Variants in PCDHGA9 observed in about 807,000 individuals in gnomAD.
The protein encoded by PCDHGA9 is protocadherin gamma-A9.
In PCDHGA9, 37 loss-of-function variants were observed where a neutral mutation model predicts 62.5. The ratio of observed to expected loss-of-function variants is 0.59; its 90% CI spans 0.46 to 0.78. The LOEUF (loss-of-function observed/expected upper bound fraction) is 0.78, where lower values mean the gene tolerates loss of function less well. Ranked by LOEUF, PCDHGA9 falls within the 30% of genes least tolerant of loss-of-function variation. The probability of loss-of-function intolerance (pLI) is 0.00; values close to 1 mark genes in which losing one functional copy is unlikely to be tolerated. For missense variants in PCDHGA9, 1,138 were observed against 1,166.2 expected (o/e 0.98, Z 0.35); for synonymous variants, 459 against 484.6 (o/e 0.95, Z 0.69).
At position 141,432,554 on chromosome 5, in the gene PCDHGA9, G is replaced by A. The variant is rs757821109; in HGVS notation, c.2424+27178G>A. The A allele has an allele frequency of 9.3e-6, 15 of 1,613,832 alleles. No homozygotes were observed. Among genetic ancestry groups the A allele is most frequent in the Non-Finnish European group, 1.3e-5 (15 of 1,180,006 alleles). On this transcript the variant is annotated intron_variant, in intron 1 of 3. Coordinates refer to ENST00000573521, the MANE Select transcript of PCDHGA9 (RefSeq NM_018921.3). The surrounding 1 kb of genome is among the most constrained non-coding windows in gnomAD (Gnocchi z 6.0). ...GGTGGTGGCGGTGGACAGAGACTCCGGCCAGAACGCCTGGCTGTCCTACCG... is the reference window on the plus strand; with the variant it reads ...GGTGGTGGCGGTGGACAGAGACTCCAGCCAGAACGCCTGGCTGTCCTACCG...
chr5:141,437,307 G>A (rs1172152732), intron 1 of PCDHGA9, among the ~76,000 whole-genome samples: 7 of 152,120 alleles, frequency 4.6e-5, no homozygotes, highest in South Asian at 2.1e-4. Context: ...AAGTTAAAGC[G>A]TTCAGCTATA....
At position 141,459,533 on chromosome 5, in the gene PCDHGA9, A is replaced by AT. The variant is rs956234847; in HGVS notation, c.2425-35266dup. Among the ~76,000 whole-genome samples the AT allele has an allele frequency of 1.2e-4, 18 of 152,018 alleles. No homozygotes were observed. In the South Asian group the frequency reaches 2.3e-3, roughly 19 times the overall value. ...CATGTACAAGTATTTTTGTAGGCAT[A>AT]TTTTTTTTATTTCTCTTGGATAAAT... is the stretch of plus-strand genomic sequence containing the variant. On this transcript the variant is annotated intron_variant, in intron 1 of 3. Transcript: ENST00000573521.
chr5:141,419,209 G>A (rs541061354), intron 1 of PCDHGA9: 11 of 1,613,900 alleles, frequency 6.8e-6, no homozygotes, highest in South Asian at 5.5e-5. Context: ...ACAACGCGCC[G>A]GTTTTCGGAC....
chr5:141,407,088 GT>G lies in PCDHGA9; in HGVS notation c.2424+1716del, dbSNP rs571130014. Among the ~76,000 whole-genome samples, 18 of 152,174 alleles carry G rather than the reference GT, an allele frequency of 1.2e-4. No individual in the cohort carries two copies. The East Asian group carries it at 3.5e-3, about 29-fold the overall frequency. On this transcript the variant is annotated intron_variant, in intron 1 of 3. Coordinates refer to ENST00000573521, the MANE Select transcript of PCDHGA9 (RefSeq NM_018921.3). ...GGCATTTCTGTGGAAATGAAGAATT[GT>G]TTTATTTGTTTGTAATTATTTGGGT...
chr5:141,440,997 A>G (rs1191545127), intron 1 of PCDHGA9: 1 of 152,178 alleles, frequency 6.6e-6, no homozygotes, highest in East Asian at 1.9e-4. Context: ...ACCCATATCT[A>G]GTTTGGCCTT....
At chr5:141,466,983 C>A (rs2099133398) in intron 1 of PCDHGA9, among the ~76,000 whole-genome samples, 1 of 151,884 alleles carries the variant, frequency 6.6e-6, no homozygotes, top group African/African-American at 2.4e-5. Context: ...TCATCATTTA[C>A]CTTTTGGCAT....
chr5:141,456,888 G>A (rs376401806), intron 1 of PCDHGA9, among the ~76,000 whole-genome samples: 5 of 152,118 alleles, frequency 3.3e-5, no homozygotes, highest in Admixed American at 1.3e-4. Context: ...GCTTGAACCC[G>A]GGAGGCAGAG....
chr5:141,403,533 T>G lies in PCDHGA9; in HGVS notation c.581T>G (p.Leu194Arg), dbSNP rs1307203985. The change falls in exon 1 of 4, where the codon CTG (leucine) becomes CGG (arginine). Residue 194 changes from leucine to arginine, a missense_variant. By Grantham distance (102) the Leu-to-Arg change is moderately radical (BLOSUM62 -2). Transcript: ENST00000573521. ...GACAATGGAGCCATAAACCCAGAGC[T>G]GGTGCTGGAGCGCGCCCTGGACAGG... ...TGDNGAINPE[L>R]VLERALDREE... 2 of 1,613,992 alleles carry G rather than the reference T, an allele frequency of 1.2e-6. No individual in the cohort carries two copies. The highest frequency in any genetic ancestry group is 2.7e-5 in the African/African-American group (2 of 75,068).
intron 1 of PCDHGA9, chr5:141,418,103 G>A: frequency 1.2e-6 from 2 of 1,614,076 alleles, no homozygotes; most frequent in African/African-American, 1.3e-5. Flanking sequence ...CGCGCAGAGC[G>A]GGGACTTACT....
Position 141,431,260 on chromosome 5 carries a change from G to C in PCDHGA9, c.2424+25884G>C, listed in dbSNP as rs762250032. On this transcript the variant is annotated intron_variant, in intron 1 of 3. Coordinates refer to ENST00000573521, the MANE Select transcript of PCDHGA9 (RefSeq NM_018921.3). The surrounding 1 kb of genome is among the most constrained non-coding windows in gnomAD (Gnocchi z 4.8). The stretch of plus-strand genomic sequence containing the variant: ...ATCCGGATATCGGGAAGAACTCTCT[G>C]CAGAGCTACGAGCTCAGCCCGAACA... 6.2e-7 allele frequency: 1 copy of C among 1,614,170 alleles called. No homozygotes were observed. Among genetic ancestry groups the C allele is most frequent in the Non-Finnish European group, 8.5e-7 (1 of 1,180,052 alleles).
intron 1 of PCDHGA9, chr5:141,421,800 G>T (rs995129799): frequency 1.2e-6 from 2 of 1,613,728 alleles, no homozygotes. Flanking sequence ...ATGGGGCCAA[G>T]AATCCAGAGC....
intron 2 of PCDHGA9, among the ~76,000 whole-genome samples, chr5:141,497,603 G>A (rs1045138662): frequency 3.3e-5 from 5 of 149,832 alleles, no homozygotes; most frequent in Non-Finnish European, 7.4e-5. Context: ...GCAGTGGTGC[G>A]ATCTTGGCTC....
intron 1 of PCDHGA9, 41 bp from the exon 2 acceptor site, chr5:141,494,766 C>T (rs1017994327): frequency 6.2e-7 from 1 of 1,614,038 alleles, no homozygotes; most frequent in Non-Finnish European, 8.5e-7. Flanking sequence ...ATTCTAACTT[C>T]TCACGGGTAC....
At chr5:141,436,471 A>G (rs1249793994) in intron 1 of PCDHGA9, among the ~76,000 whole-genome samples, 1 of 152,204 alleles carries the variant, frequency 6.6e-6, no homozygotes, top group Non-Finnish European at 1.5e-5. Flanking sequence ...TTTCAGATGT[A>G]TCATAGAAGG....
chr5:141,503,812 G>C (rs2099831825), intron 2 of PCDHGA9, among the ~76,000 whole-genome samples: 1 of 152,114 alleles, frequency 6.6e-6, no homozygotes, highest in South Asian at 2.1e-4. Context: ...GGGAATCCCA[G>C]ATTGGGCAAA....
chr5:141,432,126 C>T lies in PCDHGA9; in HGVS notation c.2424+26750C>T. ...AACCCGCCGGTCTTCCCTCAGGCCTCCTATTCCGCTTATATCCCAGAGAAC... is the reference window on the plus strand; with the variant it reads ...AACCCGCCGGTCTTCCCTCAGGCCTTCTATTCCGCTTATATCCCAGAGAAC... On this transcript the variant is annotated intron_variant, in intron 1 of 3. Coordinates refer to ENST00000573521, the MANE Select transcript of PCDHGA9 (RefSeq NM_018921.3). This position sits in a 1 kb window ranked among gnomAD's most constrained non-coding sequence, Gnocchi z 6.0. The T allele has an allele frequency of 1.2e-6, 2 of 1,614,144 alleles. No homozygotes were observed. Among genetic ancestry groups the T allele is most frequent in the Non-Finnish European group, 1.7e-6 (2 of 1,180,028 alleles).
Position 141,404,690 on chromosome 5 carries a change from C to T in PCDHGA9, c.1738C>T (p.Arg580Cys), listed in dbSNP as rs199517824. The T allele has an allele frequency of 1.9e-4, 304 of 1,613,808 alleles. 1 individual carries two copies. Among genetic ancestry groups the T allele is most frequent in the Non-Finnish European group, 2.1e-4 (250 of 1,179,844 alleles). Residue 580 changes from arginine (R) to cysteine (C), a missense_variant, in exon 1 of 4, where the codon CGC (arginine) becomes TGC (cysteine). Coordinates refer to ENST00000573521, the MANE Select transcript of PCDHGA9 (RefSeq NM_018921.3). The part of the protein sequence containing the change: ...DGSTGVELAP[R>C]SAEPGYLVTK... ...TTCTACTGGTGTGGAGCTGGCACCC[C>T]GCTCTGCAGAGCCTGGCTACCTGGT...
chr5:141,406,555 A>G (rs2094824314), intron 1 of PCDHGA9, among the ~76,000 whole-genome samples: 1 of 152,224 alleles, frequency 6.6e-6, no homozygotes. Context: ...TCAGTTATCC[A>G]CTTCCAAACC....
In PCDHGA9 at chr5:141,431,028, T is replaced by C. The variant is rs367575636; in HGVS notation, c.2424+25652T>C. On this transcript the variant is annotated intron_variant, in intron 1 of 3. Transcript: ENST00000573521. This position sits in a 1 kb window ranked among gnomAD's most constrained non-coding sequence, Gnocchi z 4.8. ...GGCAGCTTGGTCACGGCGGGCAGGA[T>C]AGACCGGGAGGAGCTCTGTATGGGG... The C allele has an allele frequency of 6.2e-7, 1 of 1,613,986 alleles. No homozygotes were observed. Among genetic ancestry groups the C allele is most frequent in the Admixed American group, 1.7e-5 (1 of 60,022 alleles).
Sources: allele counts gnomAD v4.1 joint callset (sites outside exome capture counted in the v4.1 genomes callset), GRCh38; gene constraint gnomAD v4.1.1; non-coding constraint Gnocchi (gnomAD v3.1); transcripts MANE v1.5; gene names NCBI Gene and HGNC (gene_info 2026-07-23, HGNC 2026-07-21).